The following PARD3 variants were observed in gnomAD, a reference collection of about 807,000 sequenced individuals.
PARD3 encodes the protein par-3 family cell polarity regulator.
Under a neutral mutation model 155.4 loss-of-function variants are expected in PARD3, and 75 were observed. The ratio of observed to expected loss-of-function variants is 0.48; its 90% CI spans 0.40 to 0.58. The LOEUF is 0.58. Ranked by LOEUF, PARD3 falls within the 20% of genes least tolerant of loss-of-function variation. The pLI, the probability that PARD3 is intolerant of heterozygous loss-of-function variation, is 0.00. For synonymous variants in PARD3, 576 were observed against 610.5 expected, an observed-to-expected ratio of 0.94 and a Z score of 0.83; for missense variants, 1,642 against 1,721.7, an observed-to-expected ratio of 0.95 and a Z score of 0.82.
intron 22 of PARD3, among the ~76,000 whole-genome samples, chr10:34,156,359 A>G (rs1949004542): frequency 6.6e-6 from 1 of 152,140 alleles, no homozygotes; most frequent in African/African-American, 2.4e-5. Context: ...GGCCTCCCAA[A>G]GTGCTAGAAT....
rs1018900569 is a variant in PARD3 at position 34,278,267 on chromosome 10, C to T, written c.3176+5868G>A. On this transcript the variant is annotated intron_variant, in intron 21 of 24. Transcript: ENST00000374788. ...CTTGCTATGTTGCCCAGGCTGGTAT[C>T]GAACTCCTGGCCTCAAGTGATCCTA... is the stretch of plus-strand genomic sequence containing the variant. Among the ~76,000 whole-genome samples the T allele has an allele frequency of 2.6e-5, 4 of 152,014 alleles. No individual in the cohort carries two copies. In the East Asian group the frequency reaches 5.8e-4, roughly 22 times the overall value.
At chr10:34,238,293 T>C (rs1953364748) in intron 22 of PARD3, among the ~76,000 whole-genome samples, 1 of 152,240 alleles carries the variant, frequency 6.6e-6, no homozygotes, top group Admixed American at 6.5e-5. Context: ...TAATTAAGGC[T>C]ATAAATGTGC....
chr10:34,198,098 T>C (rs1420703599), intron 22 of PARD3, among the ~76,000 whole-genome samples: 1 of 152,194 alleles, frequency 6.6e-6, no homozygotes, highest in Non-Finnish European at 1.5e-5. Context: ...ACATTGCAGC[T>C]TCTAACATTA....
intron 1 of PARD3, among the ~76,000 whole-genome samples, chr10:34,791,162 T>G (rs1215240880): frequency 6.6e-6 from 1 of 152,236 alleles, no homozygotes; most frequent in Non-Finnish European, 1.5e-5. Context: ...AAACTATCAC[T>G]GTGTAACATT....
chr10:34,119,185 C>T (rs958204223), intron 24 of PARD3, among the ~76,000 whole-genome samples: 13 of 152,170 alleles, frequency 8.5e-5, no homozygotes, highest in Non-Finnish European at 1.3e-4. Flanking sequence ...ACAACCACGG[C>T]GTATGCAGCA....
intron 2 of PARD3, among the ~76,000 whole-genome samples, chr10:34,694,162 AAAAG>A (rs201573052): frequency 0.27 from 40,303 of 150,182 alleles, 6,449 homozygotes; most frequent in Non-Finnish European, 0.37. Context: ...AAGAAAAAAA[AAAAG>A]AAACAAAAAA....
intron 22 of PARD3, among the ~76,000 whole-genome samples, chr10:34,231,034 A>C (rs770562544): frequency 1.3e-5 from 2 of 152,008 alleles, no homozygotes; most frequent in African/African-American, 2.4e-5. Context: ...ATCTTAAAAA[A>C]GAAAACCCCA....
At chr10:34,741,921 A>T (rs2095025912) in intron 1 of PARD3, among the ~76,000 whole-genome samples, 1 of 152,230 alleles carries the variant, frequency 6.6e-6, no homozygotes, top group South Asian at 2.1e-4. Flanking sequence ...TAAAATACCT[A>T]AAAATTTCTT....
intron 2 of PARD3, among the ~76,000 whole-genome samples, chr10:34,522,355 T>C (rs958878624): frequency 3.9e-5 from 6 of 152,130 alleles, no homozygotes; most frequent in African/African-American, 1.4e-4. Flanking sequence ...GTTAACACAC[T>C]GATTTTATGG....
chr10:34,352,887 T>A (rs1838291916), intron 14 of PARD3, among the ~76,000 whole-genome samples: 1 of 150,936 alleles, frequency 6.6e-6, no homozygotes, highest in African/African-American at 2.4e-5. Context: ...CGCCATCCCA[T>A]CTAGGAAGTG....
At chr10:34,669,946 G>A (rs1335651935) in intron 2 of PARD3, among the ~76,000 whole-genome samples, 4 of 152,182 alleles carry the variant, frequency 2.6e-5, no homozygotes, top group Non-Finnish European at 4.4e-5. Context: ...ACACCTATGT[G>A]TCTAAAAGAT....
rs1399845466 is a variant in PARD3 at position 34,269,818 on chromosome 10, T to A, written c.3258A>T (p.Thr1086=). 6.2e-7 allele frequency: 1 copy of A among 1,613,896 alleles called. No homozygotes were observed. Among genetic ancestry groups the A allele is most frequent in the African/African-American group, 1.3e-5 (1 of 74,924 alleles). ...ACATTAACTCATCATCACAGCCAAATGTCCGATGAAAATCTTGAATTTCAG... is the reference window on the plus strand; with the variant it reads ...ACATTAACTCATCATCACAGCCAAAAGTCCGATGAAAATCTTGAATTTCAG... The part of the protein sequence containing the change: ...DYAEIQDFHR[T]FGCDDELMYG... The change falls in exon 22 of 25, where the codon ACA becomes ACT. Residue 1086 remains threonine, a synonymous_variant. Coordinates refer to ENST00000374788, the MANE Select transcript of PARD3 (RefSeq NM_001184785.2).
chr10:34,543,975 A>G (rs1283945605), intron 2 of PARD3, among the ~76,000 whole-genome samples: 2 of 152,230 alleles, frequency 1.3e-5, no homozygotes, highest in African/African-American at 4.8e-5. Flanking sequence ...GTGAAGCTTA[A>G]TTCTCACAGA....
At chr10:34,792,156 C>T (rs1168117086) in intron 1 of PARD3, among the ~76,000 whole-genome samples, 3 of 152,086 alleles carry the variant, frequency 2.0e-5, no homozygotes, top group African/African-American at 4.8e-5. Context: ...TAGCTCTCCC[C>T]GGACGTGCGC....
intron 1 of PARD3, among the ~76,000 whole-genome samples, chr10:34,741,174 ATTTTTTT>A (rs71033345): frequency 5.3e-5 from 6 of 114,282 alleles, no homozygotes; most frequent in Non-Finnish European, 8.6e-5. Flanking sequence ...CGTAAACCAA[ATTTTTTT>A]TTTTTTTTTT....
chr10:34,521,804 T>A (rs1319717414), intron 2 of PARD3, among the ~76,000 whole-genome samples: 1 of 152,220 alleles, frequency 6.6e-6, no homozygotes, highest in Non-Finnish European at 1.5e-5. Context: ...GAAGTCCCTT[T>A]AATAGGTAAA....
At chr10:34,260,953 G>T (rs1052629026) in intron 22 of PARD3, among the ~76,000 whole-genome samples, 1 of 152,108 alleles carries the variant, frequency 6.6e-6, no homozygotes, top group Non-Finnish European at 1.5e-5. Flanking sequence ...GTTCACAAAG[G>T]TCTTTTCTTT....
chr10:34,625,911 CAAAACA>C (rs1187725848), intron 2 of PARD3, among the ~76,000 whole-genome samples: 1 of 152,164 alleles, frequency 6.6e-6, no homozygotes, highest in East Asian at 1.9e-4. Context: ...AACTCCACCT[CAAAACA>C]AAAACAAAAA....
At chr10:34,507,548 C>CAAAAAAAAAAAAAAAAAAAAAAAAAAAAA (rs374421524) in intron 3 of PARD3, among the ~76,000 whole-genome samples, 3 of 42,982 alleles carry the variant, frequency 7.0e-5, no homozygotes, top group African/African-American at 3.4e-4. Flanking sequence ...ATTAAAAAAA[C>CAAAAAAAAAAAAAAAAAAAAAAAAAAAAA]AAAAAAAAAA....
Sources: allele counts gnomAD v4.1 joint callset (sites outside exome capture counted in the v4.1 genomes callset), GRCh38; gene constraint gnomAD v4.1.1; transcripts MANE v1.5; gene names NCBI Gene and HGNC (gene_info 2026-07-23, HGNC 2026-07-21).